Variants in CLEC16A observed in about 807,000 individuals in gnomAD.
CLEC16A encodes the protein protein CLEC16A.
In CLEC16A, 51 loss-of-function variants were observed where a neutral mutation model predicts 109.5. That is an observed-to-expected ratio of 0.47 (90% CI 0.37 to 0.59). The LOEUF is 0.59. Among genes scored for constraint, CLEC16A ranks in the 20% least tolerant of loss-of-function variants. CLEC16A has a pLI of 0.00. For synonymous variants in CLEC16A, 673 were observed against 564.2 expected (o/e 1.19, Z -2.73); for missense variants, 1,339 against 1,394.0 (o/e 0.96, Z 0.63).
chr16:11,149,663 C>T (rs1326074404), intron 22 of CLEC16A, among the ~76,000 whole-genome samples: 1 of 152,024 alleles, frequency 6.6e-6, no homozygotes, highest in Non-Finnish European at 1.5e-5. Flanking sequence ...ATGGTGCCCA[C>T]CGGTAATCCC....
At chr16:11,101,170 A>G (rs561517790) in intron 19 of CLEC16A, among the ~76,000 whole-genome samples, 88 of 152,320 alleles carry the variant, frequency 5.8e-4, no homozygotes, top group Admixed American at 1.9e-3. Context: ...GCTTCCAATT[A>G]AGGGCCTGAG....
At position 10,961,958 on chromosome 16, in the gene CLEC16A, T is replaced by C. The variant is rs949850744; in HGVS notation, c.210-497T>C. ...CTAAAGCTTTTTGGGAACTTTTTTTTCTTTTTTTTCTTTTTTTTTTTTTTG... is the reference window on the plus strand; with the variant it reads ...CTAAAGCTTTTTGGGAACTTTTTTTCCTTTTTTTTCTTTTTTTTTTTTTTG... On this transcript the variant is annotated intron_variant, in intron 2 of 23. Transcript: ENST00000409790. The surrounding 1 kb of genome is among the most constrained non-coding windows in gnomAD (Gnocchi z 4.3). 1.0e-5 allele frequency among the ~76,000 whole-genome samples: 1 copy of C among 96,564 alleles called. No individual in the cohort carries two copies. The highest frequency in any genetic ancestry group is 3.3e-4 in the East Asian group (1 of 3,076). 63.3% of individuals were successfully genotyped at this position (96,564 alleles called of 152,430 possible). A position where few individuals can be genotyped will look rare whatever the true frequency, so the allele number is the denominator to read the frequency against.
intron 19 of CLEC16A, among the ~76,000 whole-genome samples, chr16:11,081,474 C>T (rs1016380014): frequency 5.3e-5 from 8 of 152,126 alleles, no homozygotes; most frequent in East Asian, 1.9e-4. Context: ...AGGTAGGGCT[C>T]CTCCAGGTAG....
At chr16:11,019,335 C>A (rs1340704944) in intron 11 of CLEC16A, among the ~76,000 whole-genome samples, 1 of 152,178 alleles carries the variant, frequency 6.6e-6, no homozygotes, top group Non-Finnish European at 1.5e-5. Context: ...GCACACCATG[C>A]TTAAGCTGAT....
At chr16:11,131,025 C>G (rs1267869810) in intron 22 of CLEC16A, among the ~76,000 whole-genome samples, 1 of 150,624 alleles carries the variant, frequency 6.6e-6, no homozygotes, top group Non-Finnish European at 1.5e-5. Flanking sequence ...TTCCATTTGG[C>G]TCAGAAAAAA....
chr16:11,015,969 C>T (rs546732064), intron 11 of CLEC16A, among the ~76,000 whole-genome samples: 31 of 146,222 alleles, frequency 2.1e-4, no homozygotes, highest in African/African-American at 7.8e-4. Context: ...CACAGGCTTG[C>T]TTGGGAGTCT....
In CLEC16A at chr16:10,957,887, T is replaced by A; in HGVS notation, c.186T>A (p.Asp62Glu). The A allele has an allele frequency of 6.2e-7, 1 of 1,613,798 alleles. No individual in the cohort carries two copies. The highest frequency in any genetic ancestry group is 8.5e-7 in the Non-Finnish European group (1 of 1,179,788). ...TCACTGAGATCCTGATCTGGGGAGA[T>A]CAAAATGACAGCTCTGTATTTGAGT... ...RSITEILIWGDQNDSSVFDFF... is the reference protein window; with the variant it reads ...RSITEILIWGEQNDSSVFDFF... The change falls in exon 2 of 24, where the codon GAT (aspartate) becomes GAA (glutamate). Residue 62 changes from aspartate (D) to glutamate (E), a missense_variant. Transcript: ENST00000409790.
Position 10,999,561 on chromosome 16 carries a change from T to G in CLEC16A, c.1072-3513T>G, listed in dbSNP as rs376618830. Among the ~76,000 whole-genome samples, 4 of 152,248 alleles carry G rather than the reference T, an allele frequency of 2.6e-5. No individual in the cohort carries two copies. In the East Asian group the frequency reaches 5.8e-4, roughly 22 times the overall value. ...GATTCCCACCCTTTGGACAAACAGA[T>G]CATAATTACCTAACAACTCCCCTAT... On this transcript the variant is annotated intron_variant, in intron 10 of 23. Coordinates refer to ENST00000409790, the MANE Select transcript of CLEC16A (RefSeq NM_015226.3).
At chr16:10,993,600 G>C (rs1439224777) in intron 10 of CLEC16A, among the ~76,000 whole-genome samples, 1 of 152,148 alleles carries the variant, frequency 6.6e-6, no homozygotes, top group Admixed American at 6.5e-5. Context: ...TTTCCAGTTT[G>C]GCATGAGATG....
rs1232326314 is a variant in CLEC16A at position 11,166,526 on chromosome 16, C to T, written c.2780C>T (p.Thr927Ile). 1.2e-6 allele frequency: 2 copies of T among 1,606,310 alleles called. No individual in the cohort carries two copies. The highest frequency in any genetic ancestry group is 1.7e-6 in the Non-Finnish European group (2 of 1,178,158). Residue 927 changes from threonine to isoleucine, a missense_variant, in exon 23 of 24, where the codon ACC becomes ATC. Around this residue, in one of 3 missense-constraint regions of CLEC16A, gnomAD observed 1,061 missense variants for 1,006.8 expected, o/e 1.05. Coordinates refer to ENST00000409790, the MANE Select transcript of CLEC16A (RefSeq NM_015226.3). ...CDSGGTSSSS[T>I]PSTAQSPADA... ...TCTGGAGGCACCAGCTCGTCCTCCA[C>T]CCCCTCCACAGCCCAGAGTCCAGCA...
intron 11 of CLEC16A, among the ~76,000 whole-genome samples, chr16:11,015,789 C>T (rs967037993): frequency 6.6e-6 from 1 of 152,270 alleles, no homozygotes; most frequent in African/African-American, 2.4e-5. Context: ...GGGCTTGGCC[C>T]TGTAACCTTA....
At chr16:11,173,629 G>A (rs1288954267) in intron 23 of CLEC16A, among the ~76,000 whole-genome samples, 1 of 152,076 alleles carries the variant, frequency 6.6e-6, no homozygotes, top group East Asian at 1.9e-4. Context: ...GTCAGCGTGT[G>A]ACACCAAGAA....
At chr16:11,072,216 G>T (rs2049114603) in intron 19 of CLEC16A, among the ~76,000 whole-genome samples, 1 of 152,098 alleles carries the variant, frequency 6.6e-6, no homozygotes, top group Admixed American at 6.5e-5. Flanking sequence ...CGAACTCCTG[G>T]CCTCAAGCGA....
intron 11 of CLEC16A, among the ~76,000 whole-genome samples, chr16:11,007,699 T>G (rs1489352936): frequency 6.6e-6 from 1 of 152,206 alleles, no homozygotes; most frequent in African/African-American, 2.4e-5. Flanking sequence ...GACCTCCACT[T>G]GGGCACCAAG....
intron 20 of CLEC16A, among the ~76,000 whole-genome samples, chr16:11,123,060 TGCTTG>T (rs2052551014): frequency 6.6e-6 from 1 of 152,010 alleles, no homozygotes; most frequent in Admixed American, 6.6e-5. Flanking sequence ...CACGCCACCA[TGCTTG>T]GCTAATTTTT....
intron 1 of CLEC16A, among the ~76,000 whole-genome samples, chr16:10,957,451 A>G (rs999687741): frequency 2.0e-5 from 3 of 152,224 alleles, no homozygotes; most frequent in African/African-American, 7.2e-5. Flanking sequence ...GTCCTGCTGA[A>G]TCTGAATTTC....
chr16:10,971,754 C>T (rs2042799528), intron 5 of CLEC16A, among the ~76,000 whole-genome samples: 1 of 152,242 alleles, frequency 6.6e-6, no homozygotes, highest in Non-Finnish European at 1.5e-5. Flanking sequence ...AGGGAAAAAG[C>T]CATTCCCCCA....
At chr16:11,080,208 C>G (rs935834120) in intron 19 of CLEC16A, among the ~76,000 whole-genome samples, 1 of 152,208 alleles carries the variant, frequency 6.6e-6, no homozygotes, top group African/African-American at 2.4e-5. Context: ...ACCAGAAACA[C>G]AAGGACAGGA....
intron 22 of CLEC16A, among the ~76,000 whole-genome samples, chr16:11,141,541 G>A (rs1231169599): frequency 6.6e-6 from 1 of 152,244 alleles, no homozygotes; most frequent in Admixed American, 6.5e-5. Flanking sequence ...AGACATGTGA[G>A]TTTCATTCTG....
Sources: allele counts gnomAD v4.1 joint callset (sites outside exome capture counted in the v4.1 genomes callset), GRCh38; gene constraint gnomAD v4.1.1; regional missense constraint gnomAD v4.1.1; non-coding constraint Gnocchi (gnomAD v3.1); transcripts MANE v1.5; gene names NCBI Gene and HGNC (gene_info 2026-07-23, HGNC 2026-07-21).